Variants in STK26 observed in about 807,000 individuals in gnomAD.
STK26 encodes the protein serine/threonine-protein kinase 26.
In STK26, 14 loss-of-function variants were observed where a neutral mutation model predicts 34.7. The observed-to-expected ratio is 0.40, with a 90% CI of 0.27 to 0.63. STK26 has a LOEUF of 0.63. STK26 is among the 30% of genes least tolerant of loss of function. The pLI is 0.38. For synonymous variants in STK26, 100 were observed against 109.8 expected (o/e 0.91, Z 0.56); for missense variants, 226 against 309.1 (o/e 0.73, Z 2.02).
intron 2 of STK26, among the ~76,000 whole-genome samples, 177 bp from the exon 3 acceptor site, chrX:132,054,454 A>C (rs1926788945): frequency 8.9e-6 from 1 of 112,229 alleles, no homozygotes; most frequent in Non-Finnish European, 1.9e-5. Context: ...TAGAATATGG[A>C]CTAGCTGCCT....
At chrX:132,050,368 G>A (rs1337639498) in intron 2 of STK26, among the ~76,000 whole-genome samples, 3 of 111,838 alleles carry the variant, frequency 2.7e-5, no homozygotes, top group African/African-American at 6.5e-5. Flanking sequence ...CAAAGTGTAC[G>A]GGATATGTTG....
At chrX:132,045,335 G>A (rs1326322989) in intron 2 of STK26, among the ~76,000 whole-genome samples, 2 of 111,614 alleles carry the variant, frequency 1.8e-5, no homozygotes, top group African/African-American at 3.3e-5. Context: ...CAGTACCAAT[G>A]AATCCATTAC....
At chrX:132,025,082 A>G (rs908872938) in intron 2 of STK26, among the ~76,000 whole-genome samples, 6 of 110,634 alleles carry the variant, frequency 5.4e-5, no homozygotes, top group African/African-American at 2.0e-4. Flanking sequence ...ACCCTGCCCC[A>G]CACCCCATTC....
chrX:132,029,678 C>T lies in STK26; in HGVS notation c.42+6019C>T, dbSNP rs192732767. The stretch of plus-strand genomic sequence containing the variant: ...CCAACAAGAAATCCCTTTAATTCTA[C>T]CATGCCAGTCACAGTTCAATAACCA... On this transcript the variant is annotated intron_variant, in intron 2 of 11. Transcript: ENST00000394334. 1.7e-3 allele frequency among the ~76,000 whole-genome samples: 189 copies of T among 111,221 alleles called. 1 individual carries two copies. Among genetic ancestry groups the T allele is most frequent in the African/African-American group, 5.9e-3 (179 of 30,555 alleles).
chrX:132,066,596 A>C (rs1419157519), intron 4 of STK26, among the ~76,000 whole-genome samples: 3 of 112,172 alleles, frequency 2.7e-5, no homozygotes, highest in Non-Finnish European at 5.6e-5. Flanking sequence ...CTTTCTTCCC[A>C]TCCTCCTCTA....
At chrX:132,070,996 T>C (rs373960390) in intron 7 of STK26, 73 bp from the exon 8 acceptor site, 1 of 1,038,296 alleles carries the variant, frequency 9.6e-7, no homozygotes, top group Non-Finnish European at 1.3e-6. Flanking sequence ...ATTCAAATGA[T>C]TTTTTTTACC....
At position 132,023,335 on chromosome X, in the gene STK26, C is replaced by T. The variant is rs373943539; in HGVS notation, c.-183C>T. On this transcript the variant is annotated 5_prime_UTR_variant, in exon 1 of 12. Coordinates refer to ENST00000394334, the MANE Select transcript of STK26 (RefSeq NM_016542.4). ...AGCCCAGGTCCCAGCCACCACCACT[C>T]ACAGCGCTCGGCGTTCAGGAAGAGG... is the stretch of plus-strand genomic sequence containing the variant. 8.1e-6 allele frequency: 4 copies of T among 491,490 alleles called. No homozygotes were observed. The highest frequency in any genetic ancestry group is 1.1e-5 in the Non-Finnish European group (3 of 268,271). 40.5% of individuals were successfully genotyped at this position (491,490 alleles called of 1,213,427 possible).
intron 2 of STK26, among the ~76,000 whole-genome samples, chrX:132,031,125 T>C (rs1163469945): frequency 9.0e-6 from 1 of 110,820 alleles, no homozygotes; most frequent in African/African-American, 3.3e-5. Context: ...TTTTGTAAAT[T>C]TGGGGTTTCA....
intron 7 of STK26, among the ~76,000 whole-genome samples, chrX:132,070,355 G>A (rs749622590): frequency 4.5e-5 from 5 of 111,791 alleles, no homozygotes; most frequent in African/African-American, 6.5e-5. Flanking sequence ...TTTATTTGGT[G>A]TTTAGAAACT....
At chrX:132,060,805 T>G (rs1927027761) in intron 3 of STK26, among the ~76,000 whole-genome samples, 1 of 109,103 alleles carries the variant, frequency 9.2e-6, no homozygotes, top group African/African-American at 3.4e-5. Flanking sequence ...TTTGTAGAGA[T>G]GAGGACTCCC....
At position 132,072,820 on chromosome X, in the gene STK26, A is replaced by G. The variant is rs1476215119; in HGVS notation, c.1034A>G (p.Asp345Gly). 3.3e-6 allele frequency: 4 copies of G among 1,208,452 alleles called. No individual in the cohort carries two copies. Among genetic ancestry groups the G allele is most frequent in the Non-Finnish European group, 4.5e-6 (4 of 893,505 alleles). Residue 345 changes from aspartate (D) to glycine (G), a missense_variant, in exon 10 of 12, where the codon GAT (aspartate) becomes GGT (glycine). By Grantham distance (94) the Asp-to-Gly change is moderately conservative. Around this residue, in one of 2 missense-constraint regions of STK26, gnomAD observed 126 missense variants for 132.4 expected, o/e 0.95. Coordinates refer to ENST00000394334, the MANE Select transcript of STK26 (RefSeq NM_016542.4). ...TATATTATTTGTTCAAAGGAGCAAGATCTTGTGCAAACCCTGAGTTGTTTG... is the reference window on the plus strand; with the variant it reads ...TATATTATTTGTTCAAAGGAGCAAGGTCTTGTGCAAACCCTGAGTTGTTTG... ...PKKVQNGAEQDLVQTLSCLSM... is the reference protein window; with the variant it reads ...PKKVQNGAEQGLVQTLSCLSM...
Position 132,068,625 on chromosome X carries a change from C to A in STK26, c.597+56C>A. The A allele has an allele frequency of 2.8e-6, 3 of 1,087,804 alleles. No homozygotes were observed. The South Asian group carries it at 6.6e-5, about 24-fold the overall frequency. 89.6% of individuals were successfully genotyped at this position (1,087,804 alleles called of 1,213,427 possible). A position where few individuals can be genotyped will look rare whatever the true frequency, so the allele number is the denominator to read the frequency against. On this transcript the variant is annotated intron_variant, in intron 6 of 11. Coordinates refer to ENST00000394334, the MANE Select transcript of STK26 (RefSeq NM_016542.4). ...GCTTGTTAATAAATTATATATGGCA[C>A]ACTATCCTAGTTAATACACTGCCTT...
chrX:132,057,612 G>A (rs1463067510), intron 3 of STK26, among the ~76,000 whole-genome samples: 1 of 111,169 alleles, frequency 9.0e-6, no homozygotes, highest in Non-Finnish European at 1.9e-5. Context: ...CTCCTCTGCC[G>A]TCTTGGTGAC....
intron 3 of STK26, 151 bp downstream of exon 3, chrX:132,055,012 C>A: frequency 2.0e-6 from 1 of 507,985 alleles, no homozygotes; most frequent in East Asian, 3.7e-5. Flanking sequence ...CCAAATAAAC[C>A]GTTGTTAGAT....
chrX:132,036,405 G>A (rs780815668), intron 2 of STK26, among the ~76,000 whole-genome samples: 2 of 111,802 alleles, frequency 1.8e-5, no homozygotes, highest in South Asian at 7.5e-4. Context: ...GACCAGTCTG[G>A]CCAACATGGT....
At chrX:132,057,474 A>G (rs932385605) in intron 3 of STK26, among the ~76,000 whole-genome samples, 1 of 110,657 alleles carries the variant, frequency 9.0e-6, no homozygotes, top group Admixed American at 9.6e-5. Context: ...TTTTTGCTCC[A>G]CTGTGTTGCT....
In STK26 at chrX:132,054,500, G is replaced by A; in HGVS notation, c.43-131G>A. 2.3e-5 allele frequency: 12 copies of A among 527,468 alleles called. No homozygotes were observed. In the South Asian group the frequency reaches 3.9e-4, roughly 17 times the overall value. The allele number at this position is 527,468 out of a possible 1,213,427, so 43.5% of individuals were successfully genotyped here. On this transcript the variant is annotated intron_variant, in intron 2 of 11. Coordinates refer to ENST00000394334, the MANE Select transcript of STK26 (RefSeq NM_016542.4). ...ACAGTTGTTCTAACAAAGCACATGT[G>A]GGGAGTCAGAGGAGTTTGTATGCTT...
intron 6 of STK26, 141 bp downstream of exon 6, chrX:132,068,710 A>C (rs1271336688): frequency 1.7e-5 from 11 of 651,056 alleles, no homozygotes; most frequent in Non-Finnish European, 2.4e-5. Flanking sequence ...TTGCTGCTTA[A>C]TCATAAATTC....
rs1270286096 is a variant in STK26, at chrX:132,063,502, A to T, written c.330+13A>T. ...AGCACTGGATCTTGTAAGTATTTTA[A>T]AATAGTTACACACAGATGCAAATGT... On this transcript the variant is annotated intron_variant, in intron 4 of 11. Transcript: ENST00000394334. 3.4e-6 allele frequency: 4 copies of T among 1,193,944 alleles called. No individual in the cohort carries two copies. The highest frequency in any genetic ancestry group is 3.4e-6 in the Non-Finnish European group (3 of 882,958).
Sources: gnomAD v4.1 joint callset for allele counts (sites outside exome capture counted in the v4.1 genomes callset) on GRCh38, gnomAD v4.1.1 for gene constraint, gnomAD v4.1.1 regional missense constraint, MANE v1.5 for transcripts, NCBI Gene and HGNC (gene_info 2026-07-23, HGNC 2026-07-21) for gene names.